The following USP22 variants were observed in gnomAD, a reference collection of about 807,000 sequenced individuals.
The protein encoded by USP22 is ubiquitin specific peptidase 22.
Under a neutral mutation model 68.1 loss-of-function variants are expected in USP22, and 22 were observed. The ratio of observed to expected loss-of-function variants is 0.32; its 90% CI spans 0.23 to 0.46. USP22 has a LOEUF of 0.46. Among genes scored for constraint, USP22 ranks in the 20% least tolerant of loss-of-function variants. The pLI, the probability that USP22 is intolerant of heterozygous loss-of-function variation, is 1.00. For missense variants in USP22, 433 were observed against 695.8 expected (o/e 0.62, Z 4.25); for synonymous variants, 279 against 274.2 (o/e 1.02, Z -0.17).
Position 21,002,961 on chromosome 17 carries a change from G to T in USP22, c.*70C>A. ...GGCGGGAGACTTGGGGGAGGGGGGG[G>T]CCAGGGAGGATCACTTTGTGAGGCT... On this transcript the variant is annotated 3_prime_UTR_variant, in exon 13 of 13. Coordinates refer to ENST00000261497, the MANE Select transcript of USP22 (RefSeq NM_015276.2). 20 of 1,577,826 alleles carry T rather than the reference G, an allele frequency of 1.3e-5. No homozygotes were observed. In the South Asian group the frequency reaches 2.2e-4, roughly 18 times the overall value.
rs1192143279 is a variant in USP22, at chr17:21,002,231, G to C, written c.*800C>G. ...AGGAGCCAGGCACACAGGGCGGGCA[G>C]CAACATAAACGGCACCCATTAAAAA... On this transcript the variant is annotated 3_prime_UTR_variant, in exon 13 of 13. Transcript: ENST00000261497. 1 of 152,228 alleles carries C rather than the reference G, an allele frequency of 6.6e-6. No homozygotes were observed. The highest frequency in any genetic ancestry group is 1.5e-5 in the Non-Finnish European group (1 of 68,026). 9.4% of individuals were successfully genotyped at this position (152,228 alleles called of 1,614,324 possible). A position where few individuals can be genotyped will look rare whatever the true frequency, so the allele number is the denominator to read the frequency against.
At chr17:21,043,123 A>ACACCCCCCCCC (rs1972466791), upstream of USP22, 3 of 18,888 alleles carry the variant, frequency 1.6e-4, no homozygotes, top group African/African-American at 2.1e-4. Context: ...AGATTACGTC[A>ACACCCCCCCCC]CCCCCCCCCC....
At chr17:21,012,680 C>T in intron 7 of USP22, 150 bp downstream of exon 7, 3 of 705,470 alleles carry the variant, frequency 4.3e-6, no homozygotes, top group Admixed American at 2.7e-5. Context: ...CACCCCCACC[C>T]CACAACCTTC....
intron 1 of USP22, among the ~76,000 whole-genome samples, chr17:21,030,382 GTGTGTA>G (rs892475685): frequency 1.1e-4 from 16 of 151,778 alleles, no homozygotes. Context: ...GTGTGTGTGT[GTGTGTA>G]TGTATGTATG....
Position 21,024,209 on chromosome 17 carries a change from CT to C in USP22, c.305-2984del, listed in dbSNP as rs530879918. On this transcript the variant is annotated intron_variant, in intron 2 of 12. Coordinates refer to ENST00000261497, the MANE Select transcript of USP22 (RefSeq NM_015276.2). ...AGCACATGGACGTCACAGAGAAATC[CT>C]GACAGAGACAAGTTTACAATAAGGG... Among the ~76,000 whole-genome samples, 606 of 152,234 alleles carry C rather than the reference CT, an allele frequency of 4.0e-3. 4 individuals are homozygous for C. Among genetic ancestry groups the C allele is most frequent in the African/African-American group, 0.014 (588 of 41,510 alleles).
intron 1 of USP22, among the ~76,000 whole-genome samples, chr17:21,038,136 C>T (rs1408613872): frequency 6.6e-6 from 1 of 152,158 alleles, no homozygotes; most frequent in Non-Finnish European, 1.5e-5. Flanking sequence ...TTTAAAATAG[C>T]ACATATCATC....
intron 1 of USP22, among the ~76,000 whole-genome samples, chr17:21,030,531 C>T (rs945463371): frequency 2.0e-5 from 3 of 152,180 alleles, no homozygotes; most frequent in Non-Finnish European, 4.4e-5. Context: ...GAACTCTGGC[C>T]AACGCCACCC....
At chr17:21,029,973 A>G (rs898928089) in intron 1 of USP22, among the ~76,000 whole-genome samples, 1 of 152,254 alleles carries the variant, frequency 6.6e-6, no homozygotes, top group Admixed American at 6.5e-5. Flanking sequence ...ATGTTGCTGA[A>G]TGATTCCTCT....
At position 21,043,003 on chromosome 17, in the gene USP22, G is replaced by C; in HGVS notation, c.-168C>G. On this transcript the variant is annotated 5_prime_UTR_variant, in exon 1 of 13. Coordinates refer to ENST00000261497, the MANE Select transcript of USP22 (RefSeq NM_015276.2). ...TGGGGCTGCGCGATCGCCGAGGGGA[G>C]GCTGCAAGGCAGGCACCGCCCCCGA... 2.9e-6 allele frequency: 1 copy of C among 343,600 alleles called. No homozygotes were observed. The allele number at this position is 343,600 out of a possible 1,614,324, so 21.3% of individuals were successfully genotyped here. A position where few individuals can be genotyped will look rare whatever the true frequency, so the allele number is the denominator to read the frequency against.
chr17:21,026,168 G>A (rs1426571915), intron 2 of USP22, among the ~76,000 whole-genome samples: 1 of 152,202 alleles, frequency 6.6e-6, no homozygotes, highest in Admixed American at 6.5e-5. Flanking sequence ...TGAGGCAGGA[G>A]AATTGTTTGA....
At chr17:21,027,006 T>C (rs547264689) in intron 2 of USP22, among the ~76,000 whole-genome samples, 15 of 152,028 alleles carry the variant, frequency 9.9e-5, no homozygotes, top group Non-Finnish European at 1.5e-4. Context: ...GGTTTCACCA[T>C]GTTGGCCGGG....
chr17:21,018,774 C>T (rs1467581106), intron 4 of USP22, among the ~76,000 whole-genome samples: 1 of 152,204 alleles, frequency 6.6e-6, no homozygotes, highest in Non-Finnish European at 1.5e-5. Flanking sequence ...CACTCACACA[C>T]ATCATTTCTC....
Position 21,019,173 on chromosome 17 carries a change from T to C in USP22, c.431A>G (p.Lys144Arg). The change falls in exon 4 of 13, where the codon AAG becomes AGG. Residue 144 changes from lysine (K) to arginine (R), a missense_variant. Transcript: ENST00000261497. ...KAWKMQGVGE[K>R]FSTWEPTKRE... ...TTTGGTTGGTTCCCAAGTTGAAAAC[T>C]TCTCTCCAACGCCTAAGCAGATGAA... 2 of 1,614,122 alleles carry C rather than the reference T, an allele frequency of 1.2e-6. No homozygotes were observed. Among genetic ancestry groups the C allele is most frequent in the South Asian group, 2.2e-5 (2 of 91,082 alleles).
chr17:21,001,610 T>C lies in USP22; in HGVS notation c.*1421A>G, dbSNP rs1913579280. 1 of 152,178 alleles carries C rather than the reference T, an allele frequency of 6.6e-6. No homozygotes were observed. The highest frequency in any genetic ancestry group is 1.5e-5 in the Non-Finnish European group (1 of 68,056). The allele number at this position is 152,178 out of a possible 1,614,324, so 9.4% of individuals were successfully genotyped here. On this transcript the variant is annotated 3_prime_UTR_variant, in exon 13 of 13. Coordinates refer to ENST00000261497, the MANE Select transcript of USP22 (RefSeq NM_015276.2). ...ACAGTGTTTACTCCCTGGCTGTCTA[T>C]GAAAACATCTGCCCACCGCTGAGAC...
intron 1 of USP22, among the ~76,000 whole-genome samples, chr17:21,030,380 GTGTGTGTATGTA>G (rs1427989448): frequency 6.0e-5 from 9 of 149,910 alleles, no homozygotes; most frequent in South Asian, 4.2e-4. Flanking sequence ...GTGTGTGTGT[GTGTGTGTATGTA>G]TGTATGTATG....
At chr17:21,040,702 G>A (rs941918403) in intron 1 of USP22, among the ~76,000 whole-genome samples, 2 of 152,112 alleles carry the variant, frequency 1.3e-5, no homozygotes, top group African/African-American at 4.8e-5. Flanking sequence ...ATACCAGAGG[G>A]GGGAAGAAAG....
chr17:21,012,713 A>T, intron 7 of USP22, 117 bp downstream of exon 7: 1 of 935,356 alleles, frequency 1.1e-6, no homozygotes, highest in South Asian at 1.6e-5. Context: ...TCTATTAATC[A>T]TTTATCTCAT....
chr17:21,011,221 T>C lies in USP22; in HGVS notation c.1033A>G (p.Ser345Gly). The change falls in exon 8 of 13, where the codon AGC becomes GGC. Residue 345 changes from serine to glycine, a missense_variant. Physicochemically the swap from Ser to Gly is moderately conservative, Grantham distance 56. Around this residue, in one of 4 missense-constraint regions of USP22, gnomAD observed 178 missense variants for 351.5 expected, o/e 0.51. Transcript: ENST00000261497. ...TCCCCGTTTACCACGTTGCCCTCGC[T>C]CCCTGGGCTCAGGGGCCAGAATGGG... Reference protein sequence around the residue: ...STPFWPLSPGSEGNVVNGESH... With the variant: ...STPFWPLSPGGEGNVVNGESH... The C allele has an allele frequency of 2.5e-6, 4 of 1,611,076 alleles. No homozygotes were observed. The highest frequency in any genetic ancestry group is 3.4e-6 in the Non-Finnish European group (4 of 1,178,638).
intron 2 of USP22, among the ~76,000 whole-genome samples, chr17:21,023,855 C>T (rs1206385990): frequency 6.6e-6 from 1 of 152,132 alleles, no homozygotes; most frequent in Admixed American, 6.5e-5. Context: ...CTGATAGCAA[C>T]GGTACTAGTG....
Sources: allele counts gnomAD v4.1 joint callset (sites outside exome capture counted in the v4.1 genomes callset), GRCh38; gene constraint gnomAD v4.1.1; regional missense constraint gnomAD v4.1.1; transcripts MANE v1.5; gene names NCBI Gene and HGNC (gene_info 2026-07-23, HGNC 2026-07-21).